The following AKAP6 variants were observed in gnomAD, a reference collection of about 807,000 sequenced individuals.
AKAP6 encodes A-kinase anchoring protein 6.
A neutral mutation model predicts 188.5 loss-of-function variants in AKAP6; 58 were observed. That is an observed-to-expected ratio of 0.31 (90% CI 0.25 to 0.38). AKAP6 has a LOEUF of 0.38. AKAP6 is among the 10% of genes least tolerant of loss of function. The pLI, the probability that AKAP6 is intolerant of heterozygous loss-of-function variation, is 1.00. For synonymous variants in AKAP6, 989 were observed against 998.6 expected (o/e 0.99, Z 0.18); for missense variants, 2,710 against 2,740.0 (o/e 0.99, Z 0.24).
chr14:32,520,346 C>T (rs1376219948), intron 2 of AKAP6, among the ~76,000 whole-genome samples: 1 of 152,092 alleles, frequency 6.6e-6, no homozygotes, highest in Non-Finnish European at 1.5e-5. Flanking sequence ...TAACTAAGAT[C>T]AGAGCAGAAC....
rs761151406 is a variant in AKAP6, at chr14:32,546,954, T to C, written c.2301T>C (p.Asp767=). 11 of 1,608,954 alleles carry C rather than the reference T, an allele frequency of 6.8e-6. No homozygotes were observed. The highest frequency in any genetic ancestry group is 1.6e-4 in the Middle Eastern group (1 of 6,076). The change falls in exon 4 of 14, where the codon GAT becomes GAC. Residue 767 remains aspartate (D), a synonymous_variant. Transcript: ENST00000280979. ...CTTTAATTCAGAAACTGATGCAAGA[T>C]ATTCAGCACCAAGACAACTATGAAG... ...KSALIQKLMQ[D]IQHQDNYEAI...
intron 1 of AKAP6, among the ~76,000 whole-genome samples, chr14:32,343,725 C>A (rs1187269037): frequency 9.7e-6 from 1 of 103,126 alleles, no homozygotes; most frequent in Non-Finnish European, 1.7e-5. Context: ...CCAGCCTGAG[C>A]AACAGAGCAA....
intron 1 of AKAP6, among the ~76,000 whole-genome samples, chr14:32,421,314 A>G (rs1350477727): frequency 6.9e-6 from 1 of 144,310 alleles, no homozygotes; most frequent in Non-Finnish European, 1.5e-5. Context: ...TTCCTCTAGA[A>G]GTTGGACCTC....
At chr14:32,543,217 C>A (rs565753666) in intron 3 of AKAP6, among the ~76,000 whole-genome samples, 1 of 152,212 alleles carries the variant, frequency 6.6e-6, no homozygotes, top group Admixed American at 6.5e-5. Flanking sequence ...CTTTCCCAAC[C>A]TCTAGTAACT....
At chr14:32,381,324 A>G (rs1431086435) in intron 1 of AKAP6, among the ~76,000 whole-genome samples, 1 of 152,084 alleles carries the variant, frequency 6.6e-6, no homozygotes, top group Non-Finnish European at 1.5e-5. Context: ...TGGGTGACAG[A>G]GTGAGACCCC....
At chr14:32,694,372 CAAAA>C (rs35144352) in intron 8 of AKAP6, among the ~76,000 whole-genome samples, 2 of 55,838 alleles carry the variant, frequency 3.6e-5, no homozygotes, top group African/African-American at 1.1e-4. Context: ...AAAAAAAAAA[CAAAA>C]AAAAGCGTGG....
At chr14:32,750,111 A>G (rs2032066768) in intron 11 of AKAP6, among the ~76,000 whole-genome samples, 1 of 152,174 alleles carries the variant, frequency 6.6e-6, no homozygotes, top group Admixed American at 6.5e-5. Context: ...TTTTAGCAAT[A>G]CCACAAAGCT....
intron 9 of AKAP6, among the ~76,000 whole-genome samples, chr14:32,713,148 G>A (rs1166167081): frequency 5.9e-5 from 9 of 151,984 alleles, no homozygotes; most frequent in Non-Finnish European, 1.2e-4. Flanking sequence ...CATTGTCAAC[G>A]AGCAGTAATA....
intron 11 of AKAP6, among the ~76,000 whole-genome samples, chr14:32,745,501 C>G (rs28765132): frequency 2.0e-5 from 3 of 147,478 alleles, no homozygotes; most frequent in Admixed American, 2.0e-4. Flanking sequence ...CTCTCTGTCT[C>G]TCTCTCTCTC....
chr14:32,804,133 T>G (rs1287826106), intron 12 of AKAP6, among the ~76,000 whole-genome samples: 1 of 152,242 alleles, frequency 6.6e-6, no homozygotes, highest in East Asian at 1.9e-4. Context: ...ATCCAATAAA[T>G]GTTAGTTGTT....
chr14:32,629,069 GATAATTTCGAGGTTC>G (rs1179734303), intron 7 of AKAP6, among the ~76,000 whole-genome samples: 1 of 152,014 alleles, frequency 6.6e-6, no homozygotes, highest in Non-Finnish European at 1.5e-5. Context: ...ACAAAAGAAA[GATAATTTCGAGGTTC>G]ATAATTTTAC....
chr14:32,412,297 C>G (rs1957001), intron 1 of AKAP6, among the ~76,000 whole-genome samples: 1 of 152,046 alleles, frequency 6.6e-6, no homozygotes, highest in African/African-American at 2.4e-5. Context: ...TCAGTACAAG[C>G]ATATCACATG....
chr14:32,790,404 C>G (rs1368210475), intron 12 of AKAP6, among the ~76,000 whole-genome samples: 1 of 151,910 alleles, frequency 6.6e-6, no homozygotes, highest in Non-Finnish European at 1.5e-5. Flanking sequence ...AAGATCAACC[C>G]CAAGACACAT....
chr14:32,476,000 C>A (rs1371324876), intron 2 of AKAP6, among the ~76,000 whole-genome samples: 1 of 152,038 alleles, frequency 6.6e-6, no homozygotes, highest in Non-Finnish European at 1.5e-5. Context: ...CTTTTAACTA[C>A]TCATAAAAAT....
rs115778942 is a variant in AKAP6 at position 32,357,965 on chromosome 14, G to A, written c.-35+28557G>A. Among the ~76,000 whole-genome samples the A allele has an allele frequency of 2.6e-3, 402 of 152,308 alleles. 1 individual carries two copies. The highest frequency in any genetic ancestry group is 9.0e-3 in the African/African-American group (375 of 41,570). ...GTTCAAATGATAGTGAAGGTTTTCA[G>A]ATGAAAAAGGAAAAATACCAGCTGC... is the stretch of plus-strand genomic sequence containing the variant. On this transcript the variant is annotated intron_variant, in intron 1 of 13. Coordinates refer to ENST00000280979, the MANE Select transcript of AKAP6 (RefSeq NM_004274.5).
At chr14:32,656,520 A>G (rs916947845) in intron 7 of AKAP6, among the ~76,000 whole-genome samples, 3 of 152,196 alleles carry the variant, frequency 2.0e-5, no homozygotes, top group African/African-American at 7.2e-5. Flanking sequence ...AGATTTATTC[A>G]GTCCTCACTG....
At position 32,822,707 on chromosome 14, in the gene AKAP6, A is replaced by G. The variant is rs770066842; in HGVS notation, c.4894A>G (p.Thr1632Ala). Residue 1632 changes from threonine to alanine, a missense_variant, in exon 13 of 14, where the codon ACA becomes GCA. Thr to Ala is a moderately conservative substitution (Grantham distance 58, BLOSUM62 0). This residue lies in a region of AKAP6 where 2,473 missense variants were observed against 2,426.1 expected (regional missense o/e 1.02). Coordinates refer to ENST00000280979, the MANE Select transcript of AKAP6 (RefSeq NM_004274.5). ...CTCAGTTGGTGAACTAAGTAAAAGA[A>G]CATTAGATCTCCTGAATCGTTTGGA... is the stretch of plus-strand genomic sequence containing the variant. ...SGSVGELSKR[T>A]LDLLNRLENI... 1 of 1,614,000 alleles carries G rather than the reference A, an allele frequency of 6.2e-7. No homozygotes were observed. Among genetic ancestry groups the G allele is most frequent in the Non-Finnish European group, 8.5e-7 (1 of 1,179,954 alleles).
At chr14:32,537,616 T>TG (rs1421555208) in intron 3 of AKAP6, among the ~76,000 whole-genome samples, 1 of 152,224 alleles carries the variant, frequency 6.6e-6, no homozygotes, top group East Asian at 1.9e-4. Context: ...CATCCAATGC[T>TG]GGTCAGTGAT....
intron 1 of AKAP6, among the ~76,000 whole-genome samples, chr14:32,330,488 G>T (rs10143084): frequency 0.028 from 4,322 of 152,070 alleles, 207 homozygotes; most frequent in African/African-American, 0.098. Context: ...GCTACTAGGG[G>T]AGAGAAAGGA....
Sources: allele counts gnomAD v4.1 joint callset (sites outside exome capture counted in the v4.1 genomes callset), GRCh38; gene constraint gnomAD v4.1.1; regional missense constraint gnomAD v4.1.1; transcripts MANE v1.5; gene names NCBI Gene and HGNC (gene_info 2026-07-23, HGNC 2026-07-21).